The following SLC24A1 variants were observed in gnomAD, a reference collection of about 807,000 sequenced individuals.
The protein encoded by SLC24A1 is solute carrier family 24 member 1, also known as sodium/potassium/calcium exchanger 1.
In SLC24A1, 52 loss-of-function variants were observed where a neutral mutation model predicts 88.1. The observed-to-expected ratio is 0.59, with a 90% CI of 0.47 to 0.74. The LOEUF (loss-of-function observed/expected upper bound fraction) is 0.74. Among genes scored for constraint, SLC24A1 ranks in the 30% least tolerant of loss-of-function variants. The pLI is 0.00. For missense variants in SLC24A1, 1,173 were observed against 1,363.3 expected, an observed-to-expected ratio of 0.86 and a Z score of 2.20; for synonymous variants, 455 against 498.0, an observed-to-expected ratio of 0.91 and a Z score of 1.15.
At chr15:65,646,841 C>T (rs1173692150) in intron 6 of SLC24A1, among the ~76,000 whole-genome samples, 2 of 152,190 alleles carry the variant, frequency 1.3e-5, no homozygotes, top group Non-Finnish European at 2.9e-5. Flanking sequence ...TTGGGTTCAG[C>T]GTCTAAGACA....
intron 2 of SLC24A1, among the ~76,000 whole-genome samples, chr15:65,628,693 G>C (rs1428599157): frequency 1.3e-5 from 2 of 152,120 alleles, no homozygotes; most frequent in Non-Finnish European, 2.9e-5. Flanking sequence ...ACGATATCTG[G>C]GTTTTAAGCC....
rs189424576 is a variant in SLC24A1 at position 65,625,139 on chromosome 15, T to G, written c.1059T>G (p.Ser353Arg). 1.6e-5 allele frequency: 26 copies of G among 1,613,690 alleles called. No individual in the cohort carries two copies. In the East Asian group the frequency reaches 5.8e-4, roughly 36 times the overall value. ...WSLRNPSPRT[S>R]VSAIKTAPAI... ...TTAGGAATCCTTCACCCAGGACCAG[T>G]GTATCAGCCATCAAAACAGCCCCAG... is the stretch of plus-strand genomic sequence containing the variant. Residue 353 changes from serine (S) to arginine (R), a missense_variant, in exon 2 of 10, where the codon AGT becomes AGG. By Grantham distance (110) the Ser-to-Arg change is moderately radical. Transcript: ENST00000261892.
chr15:65,646,744 A>T (rs2075314271), intron 6 of SLC24A1, among the ~76,000 whole-genome samples: 1 of 152,190 alleles, frequency 6.6e-6, no homozygotes, highest in African/African-American at 2.4e-5. Context: ...AGTAAAAAAC[A>T]TTCCATTTGC....
upstream of SLC24A1, among the ~76,000 whole-genome samples, chr15:65,617,734 A>G (rs2074195050): frequency 6.6e-6 from 1 of 151,828 alleles, no homozygotes; most frequent in African/African-American, 2.4e-5. Context: ...GTCTTGCCTG[A>G]TTGCAAGTGT....
chr15:65,642,317 C>T (rs768521254), intron 4 of SLC24A1, among the ~76,000 whole-genome samples: 11 of 152,322 alleles, frequency 7.2e-5, no homozygotes, highest in Middle Eastern at 3.4e-3. Context: ...GAACTCTCAC[C>T]TTCCCTGTGA....
Position 65,655,781 on chromosome 15 carries a change from A to G in SLC24A1, c.*1702A>G, listed in dbSNP as rs1216900154. 1.0e-6 allele frequency: 1 copy of G among 985,168 alleles called. No homozygotes were observed. The highest frequency in any genetic ancestry group is 1.7e-5 in the African/African-American group (1 of 57,210). 61.0% of individuals were successfully genotyped at this position (985,168 alleles called of 1,614,324 possible). A position where few individuals can be genotyped will look rare whatever the true frequency, so the allele number is the denominator to read the frequency against. On this transcript the variant is annotated 3_prime_UTR_variant, in exon 10 of 10. Transcript: ENST00000261892. Reference sequence around the variant, plus strand: ...TCTTTTAAGATGAATTGCTTAATTAATTGCCTCGCTACCCCAGGATTCTCA... The same window carrying G: ...TCTTTTAAGATGAATTGCTTAATTAGTTGCCTCGCTACCCCAGGATTCTCA...
At chr15:65,642,082 G>A (rs1011707551) in intron 4 of SLC24A1, among the ~76,000 whole-genome samples, 2 of 152,172 alleles carry the variant, frequency 1.3e-5, no homozygotes, top group Non-Finnish European at 2.9e-5. Context: ...CTGGGATTCA[G>A]TCGTGCTCAA....
At chr15:65,644,679 C>T (rs563022052) in intron 5 of SLC24A1, among the ~76,000 whole-genome samples, 166 bp downstream of exon 5, 2 of 152,282 alleles carry the variant, frequency 1.3e-5, no homozygotes, top group African/African-American at 4.8e-5. Flanking sequence ...CCCTGATCGC[C>T]GCTCCACTCC....
intron 2 of SLC24A1, among the ~76,000 whole-genome samples, chr15:65,631,095 C>CA (rs1261889742): frequency 1.3e-5 from 2 of 152,078 alleles, no homozygotes; most frequent in African/African-American, 4.8e-5. Context: ...CAGAAAAACT[C>CA]AAACATCTGA....
At chr15:65,638,041 A>C in intron 2 of SLC24A1, 87 bp from the exon 3 acceptor site, 2 of 899,936 alleles carry the variant, frequency 2.2e-6, no homozygotes, top group Non-Finnish European at 3.6e-6. Context: ...TCTGTATTTC[A>C]ACCTGAGGAC....
intron 2 of SLC24A1, among the ~76,000 whole-genome samples, chr15:65,628,384 A>C (rs2074590474): frequency 2.0e-5 from 3 of 152,226 alleles, no homozygotes; most frequent in African/African-American, 7.2e-5. Flanking sequence ...TGTGCCTCCT[A>C]AAGGGCCAAG....
chr15:65,656,860 TG>T (rs1472430136), downstream of SLC24A1, among the ~76,000 whole-genome samples: 20 of 152,220 alleles, frequency 1.3e-4, no homozygotes, highest in Non-Finnish European at 2.9e-5. Flanking sequence ...TGTGTTTAAA[TG>T]TTTTTTTGTT....
chr15:65,638,137 G>C lies in SLC24A1; in HGVS notation c.1900G>C (p.Gly634Arg). Reference protein sequence around the residue: ...ALEDLSKPGDGAIAVDELQDN... With the variant: ...ALEDLSKPGDRAIAVDELQDN... ...CTCTCCCTGTTTGCAGCCGGGCGAT[G>C]GGGCCATTGCGGTGGATGAGCTACA... The change falls in exon 3 of 10, where the codon GGG becomes CGG. Residue 634 changes from glycine (G) to arginine (R), a missense_variant. Coordinates refer to ENST00000261892, the MANE Select transcript of SLC24A1 (RefSeq NM_004727.3). 3 of 1,610,006 alleles carry C rather than the reference G, an allele frequency of 1.9e-6. No individual in the cohort carries two copies. The highest frequency in any genetic ancestry group is 2.2e-5 in the South Asian group (2 of 90,002).
chr15:65,619,548 A>G (rs1054464156), upstream of SLC24A1, among the ~76,000 whole-genome samples: 13 of 152,118 alleles, frequency 8.5e-5, no homozygotes, highest in Non-Finnish European at 2.9e-5. Flanking sequence ...AGATTAAAAA[A>G]AAAAAAAGAA....
At chr15:65,633,594 A>T (rs2074806599) in intron 2 of SLC24A1, among the ~76,000 whole-genome samples, 1 of 152,314 alleles carries the variant, frequency 6.6e-6, no homozygotes, top group South Asian at 2.1e-4. Flanking sequence ...CAGGAGGCAG[A>T]GGTTGTGGTG....
chr15:65,658,223 G>A (rs2075745673), downstream of SLC24A1: 1 of 152,234 alleles, frequency 6.6e-6, no homozygotes, highest in South Asian at 2.1e-4. Flanking sequence ...AAGGTAGTAT[G>A]AGGATGTTAA....
At chr15:65,612,942 C>T (rs967406303) in intron 2 of SLC24A1, among the ~76,000 whole-genome samples, 2 of 152,202 alleles carry the variant, frequency 1.3e-5, no homozygotes, top group African/African-American at 4.8e-5. Flanking sequence ...ACCAGGAGGA[C>T]TGTGTTACTT....
At position 65,624,206 on chromosome 15, in the gene SLC24A1, G is replaced by C; in HGVS notation, c.126G>C (p.Arg42Ser). 1 of 1,613,844 alleles carries C rather than the reference G, an allele frequency of 6.2e-7. No homozygotes were observed. The highest frequency in any genetic ancestry group is 8.5e-7 in the Non-Finnish European group (1 of 1,179,866). ...TCGGTTCTACTTATCAGCACCTTAGGAGACCCCGGGGCCTTTCCTCATTGT... is the reference window on the plus strand; with the variant it reads ...TCGGTTCTACTTATCAGCACCTTAGCAGACCCCGGGGCCTTTCCTCATTGT... ...LIIGSTYQHL[R>S]RPRGLSSLWA... The change falls in exon 2 of 10, where the codon AGG becomes AGC. Residue 42 changes from arginine to serine, a missense_variant. Transcript: ENST00000261892.
chr15:65,646,140 C>T (rs568311830), intron 6 of SLC24A1, among the ~76,000 whole-genome samples: 4 of 152,324 alleles, frequency 2.6e-5, no homozygotes, highest in Admixed American at 2.6e-4. Context: ...CAGAGCTTTC[C>T]AAGTCCTGAT....
Sources: gnomAD v4.1 joint callset for allele counts (sites outside exome capture counted in the v4.1 genomes callset) on GRCh38, gnomAD v4.1.1 for gene constraint, MANE v1.5 for transcripts, NCBI Gene and HGNC (gene_info 2026-07-23, HGNC 2026-07-21) for gene names.